Variants in CFH observed in about 807,000 individuals in gnomAD.
CFH encodes H factor 1 (complement).
A neutral mutation model predicts 147.3 loss-of-function variants in CFH; 53 were observed. The observed-to-expected ratio is 0.36, with a 90% CI of 0.29 to 0.45. CFH has a LOEUF of 0.45. Ranked by LOEUF, CFH falls within the 20% of genes least tolerant of loss-of-function variation. CFH has a pLI of 1.00. For missense variants in CFH, 1,380 were observed against 1,498.0 expected (o/e 0.92, Z 1.30); for synonymous variants, 536 against 489.4 (o/e 1.10, Z -1.26).
intron 10 of CFH, among the ~76,000 whole-genome samples, chr1:196,714,378 T>A (rs1248802151): frequency 6.6e-6 from 1 of 151,674 alleles, no homozygotes; most frequent in Non-Finnish European, 1.5e-5. Flanking sequence ...TGTCTAATAC[T>A]GAATATCTTC....
intron 11 of CFH, among the ~76,000 whole-genome samples, chr1:196,724,350 A>T (rs1669077461): frequency 6.6e-6 from 1 of 151,990 alleles, no homozygotes; most frequent in African/African-American, 2.4e-5. Context: ...GAAACCTACC[A>T]CTGCAGCTCA....
chr1:196,672,736 C>G (rs922343147), intron 1 of CFH, among the ~76,000 whole-genome samples: 5 of 151,876 alleles, frequency 3.3e-5, no homozygotes, highest in Non-Finnish European at 5.9e-5. Context: ...GGTGTTTTTC[C>G]ACAGTGAACA....
At chr1:196,692,790 C>CTT (rs1428305057) in intron 9 of CFH, among the ~76,000 whole-genome samples, 3 of 80,216 alleles carry the variant, frequency 3.7e-5, no homozygotes, top group African/African-American at 1.7e-4. Flanking sequence ...TTCTTTCTTT[C>CTT]TTTCTTTCTT....
chr1:196,733,769 C>A (rs1006395700), intron 15 of CFH, among the ~76,000 whole-genome samples: 2 of 152,044 alleles, frequency 1.3e-5, no homozygotes, highest in African/African-American at 4.8e-5. Flanking sequence ...ATTAATGTAC[C>A]TGGATGTATC....
chr1:196,709,518 A>T (rs747795683), intron 9 of CFH, among the ~76,000 whole-genome samples: 1 of 152,218 alleles, frequency 6.6e-6, no homozygotes, highest in Middle Eastern at 3.4e-3. Flanking sequence ...TTGAGAAGGG[A>T]TCAAGCCCGG....
chr1:196,724,803 T>A (rs1669095756), intron 11 of CFH, among the ~76,000 whole-genome samples: 1 of 152,178 alleles, frequency 6.6e-6, no homozygotes, highest in East Asian at 1.9e-4. Flanking sequence ...GAGAGTAATT[T>A]CATGTTTTGA....
At chr1:196,736,339 C>G (rs1227949932) in intron 15 of CFH, among the ~76,000 whole-genome samples, 1 of 151,976 alleles carries the variant, frequency 6.6e-6, no homozygotes, top group East Asian at 1.9e-4. Context: ...GTGTCAGTAC[C>G]AAATTGATTA....
intron 6 of CFH, among the ~76,000 whole-genome samples, chr1:196,683,828 C>A (rs928956573): frequency 6.6e-6 from 1 of 151,722 alleles, no homozygotes; most frequent in Non-Finnish European, 1.5e-5. Context: ...GACTTATTAT[C>A]TGTTGATGAA....
intron 9 of CFH, among the ~76,000 whole-genome samples, chr1:196,712,374 A>G (rs1264001559): frequency 3.3e-5 from 5 of 151,258 alleles, no homozygotes; most frequent in African/African-American, 1.2e-4. Context: ...ATTATAAATA[A>G]TAATTTATTT....
intron 9 of CFH, among the ~76,000 whole-genome samples, chr1:196,692,630 T>C (rs1272327570): frequency 2.0e-5 from 3 of 151,012 alleles, no homozygotes; most frequent in African/African-American, 4.9e-5. Context: ...CATTCTTTTT[T>C]CTTTCTTCCT....
chr1:196,703,327 GAAA>G (rs1321415507), intron 9 of CFH, among the ~76,000 whole-genome samples: 1 of 152,120 alleles, frequency 6.6e-6, no homozygotes, highest in Non-Finnish European at 1.5e-5. Context: ...ACACTGAGTG[GAAA>G]ATTTCTCATG....
chr1:196,720,701 A>T (rs1255537256), intron 11 of CFH, among the ~76,000 whole-genome samples: 4 of 151,686 alleles, frequency 2.6e-5, no homozygotes, highest in African/African-American at 9.7e-5. Context: ...TTATCCAATC[A>T]TCTGTTGGTG....
intron 15 of CFH, 116 bp downstream of exon 15, chr1:196,728,638 G>A: frequency 1.0e-6 from 1 of 974,668 alleles, no homozygotes; most frequent in Non-Finnish European, 1.6e-6. Context: ...ACTGAATAAG[G>A]CAGGTAAACT....
intron 21 of CFH, 148 bp from the exon 22 acceptor site, chr1:196,746,963 T>A: frequency 7.2e-7 from 1 of 1,379,426 alleles, no homozygotes; most frequent in Admixed American, 2.0e-5. Flanking sequence ...TTTATTCAAA[T>A]CAATATGATG....
chr1:196,664,990 T>C (rs1667033195), intron 1 of CFH, among the ~76,000 whole-genome samples: 1 of 151,818 alleles, frequency 6.6e-6, no homozygotes, highest in Non-Finnish European at 1.5e-5. Flanking sequence ...TTATATTACC[T>C]AATTTTCCAG....
At position 196,743,469 on chromosome 1, in the gene CFH, C is replaced by T; in HGVS notation, c.3151C>T (p.Pro1051Ser). The T allele has an allele frequency of 6.2e-7, 1 of 1,613,972 alleles. No individual in the cohort carries two copies. The highest frequency in any genetic ancestry group is 1.1e-5 in the South Asian group (1 of 91,074). The part of the protein sequence containing the change: ...PTCRDTSCVN[P>S]PTVQNAYIVS... ...CTATTCAGACACCTCCTGTGTGAAT[C>T]CGCCCACAGTACAAAATGCTTATAT... is the stretch of plus-strand genomic sequence containing the variant. Residue 1051 changes from proline (P) to serine (S), a missense_variant, in exon 20 of 22, where the codon CCG (proline) becomes TCG (serine). Around this residue, in one of 4 missense-constraint regions of CFH, gnomAD observed 830 missense variants for 821.4 expected, o/e 1.01. Transcript: ENST00000367429.
intron 1 of CFH, among the ~76,000 whole-genome samples, chr1:196,659,928 GTTC>G (rs1308358048): frequency 1.3e-5 from 2 of 152,182 alleles, no homozygotes; most frequent in Non-Finnish European, 2.9e-5. Context: ...GAAAAACATT[GTTC>G]TTCAATTGTG....
chr1:196,712,758 CCT>C (rs1380667446), intron 9 of CFH, among the ~76,000 whole-genome samples: 7 of 109,662 alleles, frequency 6.4e-5, no homozygotes, highest in African/African-American at 2.4e-4. Context: ...TAATGCTATC[CCT>C]CCCCCCTCCC....
chr1:196,746,538 T>C (rs906515642), intron 21 of CFH, among the ~76,000 whole-genome samples: 3 of 152,260 alleles, frequency 2.0e-5, no homozygotes, highest in Non-Finnish European at 4.4e-5. Flanking sequence ...TATATTTTGA[T>C]GTTTGACAAT....
Sources: allele counts gnomAD v4.1 joint callset (sites outside exome capture counted in the v4.1 genomes callset), GRCh38; gene constraint gnomAD v4.1.1; regional missense constraint gnomAD v4.1.1; transcripts MANE v1.5; gene names NCBI Gene and HGNC (gene_info 2026-07-23, HGNC 2026-07-21).